CACNB4: variants seen among roughly 807,000 people sequenced by gnomAD.
CACNB4 encodes the protein calcium voltage-gated channel auxiliary subunit beta 4.
Under a neutral mutation model 71.2 loss-of-function variants are expected in CACNB4, and 32 were observed. The observed-to-expected ratio is 0.45, with a 90% CI of 0.34 to 0.60. The LOEUF (loss-of-function observed/expected upper bound fraction) is 0.60, where lower values mean the gene tolerates loss of function less well. Ranked by LOEUF, CACNB4 falls within the 20% of genes least tolerant of loss-of-function variation. The probability of loss-of-function intolerance (pLI) is 0.01; values close to 1 mark genes in which losing one functional copy is unlikely to be tolerated. For synonymous variants in CACNB4, 231 were observed against 236.9 expected (o/e 0.97, Z 0.23); for missense variants, 464 against 647.9 (o/e 0.72, Z 3.08).
chr2:151,973,420 C>T, intron 2 of CACNB4: 1 of 511,996 alleles, frequency 2.0e-6, no homozygotes, highest in Non-Finnish European at 3.5e-6. Context: ...TGTATAAATT[C>T]AAACAGCCTA....
At chr2:152,039,242 C>T (rs1054588341) in intron 2 of CACNB4, among the ~76,000 whole-genome samples, 9 of 151,976 alleles carry the variant, frequency 5.9e-5, no homozygotes, top group Non-Finnish European at 1.2e-4. Flanking sequence ...GATGGTGAAA[C>T]CCCATCTCTA....
At chr2:151,862,672 G>A (rs1406058601) in intron 9 of CACNB4, among the ~76,000 whole-genome samples, 1 of 152,150 alleles carries the variant, frequency 6.6e-6, no homozygotes, top group Non-Finnish European at 1.5e-5. Context: ...CTGTTCAACT[G>A]CTAAAAGACA....
intron 2 of CACNB4, among the ~76,000 whole-genome samples, chr2:152,080,979 T>C (rs1687328821): frequency 6.6e-6 from 1 of 152,132 alleles, no homozygotes; most frequent in African/African-American, 2.4e-5. Flanking sequence ...CAGGAGCAGA[T>C]GTGGGCACCA....
chr2:151,856,932 T>G (rs1412887887), intron 10 of CACNB4: 1 of 152,182 alleles, frequency 6.6e-6, no homozygotes, highest in Non-Finnish European at 1.5e-5. Context: ...AGGTTGGTCT[T>G]GAACTCCAAA....
At chr2:151,924,984 C>CT (rs2099859871) in intron 2 of CACNB4, among the ~76,000 whole-genome samples, 1 of 152,052 alleles carries the variant, frequency 6.6e-6, no homozygotes, top group Non-Finnish European at 1.5e-5. Context: ...TTTTTATCAC[C>CT]TCTATTATGA....
At chr2:152,072,359 G>T (rs1686741645) in intron 2 of CACNB4, among the ~76,000 whole-genome samples, 1 of 152,236 alleles carries the variant, frequency 6.6e-6, no homozygotes. Context: ...ATCCAACGTG[G>T]CTAGGGGAGC....
At chr2:152,053,929 G>C (rs896990125) in intron 2 of CACNB4, among the ~76,000 whole-genome samples, 1 of 152,152 alleles carries the variant, frequency 6.6e-6, no homozygotes, top group Non-Finnish European at 1.5e-5. Flanking sequence ...GAAACTGGGG[G>C]AGAGGTGCTG....
chr2:151,855,358 T>C lies in CACNB4; in HGVS notation c.886A>G (p.Ile296Val). Residue 296 changes from isoleucine to valine, a missense_variant, in exon 11 of 14, where the codon ATT becomes GTT. Ile to Val is a conservative substitution (Grantham distance 29). This residue lies in a region of CACNB4 where 299 missense variants were observed against 471.7 expected (regional missense o/e 0.63). Coordinates refer to ENST00000539935, the MANE Select transcript of CACNB4 (RefSeq NM_000726.5). ...CTTGCCAACTCAAAGATTCTTTCAA[T>C]TTCACTTTGTACTTCCGCTTAAAGG... is the stretch of plus-strand genomic sequence containing the variant. Reference protein sequence around the residue: ...RSSLAEVQSEIERIFELARSL... With the variant: ...RSSLAEVQSEVERIFELARSL... The C allele has an allele frequency of 6.3e-7, 1 of 1,594,586 alleles. No homozygotes were observed. Among genetic ancestry groups the C allele is most frequent in the Non-Finnish European group, 8.6e-7 (1 of 1,164,554 alleles).
At chr2:152,012,098 T>TA (rs57150855) in intron 2 of CACNB4, among the ~76,000 whole-genome samples, 59,972 of 145,954 alleles carry the variant, frequency 0.41, 12,747 homozygotes, top group East Asian at 0.79. Flanking sequence ...TTCTATTTAT[T>TA]AAAAAAAAAA....
chr2:151,926,390 GT>G (rs1409730547), intron 2 of CACNB4, among the ~76,000 whole-genome samples: 3 of 152,200 alleles, frequency 2.0e-5, no homozygotes. Context: ...GACAAGAACA[GT>G]TTCACTAGAT....
At chr2:151,949,201 A>C (rs1263736369) in intron 2 of CACNB4, among the ~76,000 whole-genome samples, 2 of 86,060 alleles carry the variant, frequency 2.3e-5, no homozygotes, top group Admixed American at 1.1e-4. Context: ...ATAGGTAACA[A>C]AAAAAAAAAA....
At chr2:151,878,062 T>C (rs1463186470) in intron 4 of CACNB4, among the ~76,000 whole-genome samples, 1 of 152,136 alleles carries the variant, frequency 6.6e-6, no homozygotes, top group Admixed American at 6.5e-5. Context: ...TTTTTATCAG[T>C]GTTGGGCAAG....
intron 2 of CACNB4, among the ~76,000 whole-genome samples, chr2:151,964,347 C>T (rs970336925): frequency 6.6e-6 from 1 of 152,128 alleles, no homozygotes; most frequent in Non-Finnish European, 1.5e-5. Context: ...CTTGTAAGTA[C>T]ATTTTTCTAA....
intron 2 of CACNB4, among the ~76,000 whole-genome samples, chr2:151,941,275 A>ATTTTTT (rs11346045): frequency 6.2e-5 from 7 of 112,296 alleles, no homozygotes; most frequent in African/African-American, 1.1e-4. Context: ...AAAATGGTTA[A>ATTTTTT]TTTTTTTTTT....
intron 2 of CACNB4, among the ~76,000 whole-genome samples, chr2:151,913,129 ACT>A (rs968465970): frequency 5.9e-5 from 9 of 152,036 alleles, no homozygotes; most frequent in African/African-American, 2.2e-4. Flanking sequence ...AATTTGCCAC[ACT>A]GTGTCTTTTA....
intron 2 of CACNB4, among the ~76,000 whole-genome samples, chr2:151,931,676 A>G (rs2099861669): frequency 6.6e-6 from 1 of 152,182 alleles, no homozygotes; most frequent in Non-Finnish European, 1.5e-5. Context: ...CACTCTAGGA[A>G]ATCCTTCTAG....
chr2:151,957,257 C>CGTGTATGTGTGTGT (rs3068823), intron 2 of CACNB4, among the ~76,000 whole-genome samples: 20,001 of 131,654 alleles, frequency 0.15, 2,337 homozygotes, highest in Non-Finnish European at 0.19. Context: ...AGTGGCTGGG[C>CGTGTATGTGTGTGT]GTGTGTGTGT....
intron 2 of CACNB4, among the ~76,000 whole-genome samples, chr2:152,068,597 T>A (rs1303208648): frequency 1.3e-5 from 2 of 152,144 alleles, no homozygotes; most frequent in Non-Finnish European, 2.9e-5. Flanking sequence ...TTCAAACTCC[T>A]GACAAGGACA....
At chr2:151,975,998 C>T (rs1003983765) in intron 2 of CACNB4, among the ~76,000 whole-genome samples, 1 of 152,158 alleles carries the variant, frequency 6.6e-6, no homozygotes, top group Non-Finnish European at 1.5e-5. Flanking sequence ...GGATGGCTGC[C>T]GTGGAGCGCT....
Sources: gnomAD v4.1 joint callset for allele counts (sites outside exome capture counted in the v4.1 genomes callset) on GRCh38, gnomAD v4.1.1 for gene constraint, gnomAD v4.1.1 regional missense constraint, MANE v1.5 for transcripts, NCBI Gene and HGNC (gene_info 2026-07-23, HGNC 2026-07-21) for gene names.